Variants in SEC24B observed in about 807,000 individuals in gnomAD.
SEC24B encodes protein transport protein Sec24B.
A neutral mutation model predicts 142.8 loss-of-function variants in SEC24B; 45 were observed. The observed-to-expected ratio is 0.32, with a 90% CI of 0.25 to 0.40. SEC24B has a LOEUF of 0.40. Among genes scored for constraint, SEC24B ranks in the 10% least tolerant of loss-of-function variants. The pLI is 1.00. For missense variants in SEC24B, 1,409 were observed against 1,526.8 expected (o/e 0.92, Z 1.29); for synonymous variants, 574 against 568.2 (o/e 1.01, Z -0.15).
At chr4:109,528,619 T>C (rs915320699) in intron 18 of SEC24B, among the ~76,000 whole-genome samples, 2 of 152,238 alleles carry the variant, frequency 1.3e-5, no homozygotes, top group Admixed American at 1.3e-4. Context: ...AGAGATTACA[T>C]GGCTATGCAT....
At chr4:109,442,451 A>C (rs998791177) in intron 1 of SEC24B, among the ~76,000 whole-genome samples, 1 of 152,180 alleles carries the variant, frequency 6.6e-6, no homozygotes, top group Non-Finnish European at 1.5e-5. Context: ...ATTTCTTTGT[A>C]ATTGAGTGAT....
rs376939827 is a variant in SEC24B at position 109,481,780 on chromosome 4, A to C, written c.1164A>C (p.Ala388=). 1.2e-6 allele frequency: 2 copies of C among 1,612,368 alleles called. No individual in the cohort carries two copies. Among genetic ancestry groups the C allele is most frequent in the African/African-American group, 2.7e-5 (2 of 74,896 alleles). Residue 388 remains alanine (A), a splice_region_variant and synonymous_variant, in exon 4 of 24, where the codon GCA becomes GCC. Coordinates refer to ENST00000265175, the MANE Select transcript of SEC24B (RefSeq NM_006323.5). ...DEEEEEEDEE[A]GVDSSSTTSS... ...AAGAGGAGGAGGAGGATGAGGAAGC[A>C]GGTCTGCTTTAGCTTTACACCAGTT...
intron 16 of SEC24B, 40 bp downstream of exon 16, chr4:109,525,544 G>T: frequency 7.1e-7 from 1 of 1,418,240 alleles, no homozygotes; most frequent in African/African-American, 1.4e-5. Context: ...TTAAATACTT[G>T]TATCAAAGTC....
At chr4:109,472,490 G>A (rs774465824) in intron 2 of SEC24B, among the ~76,000 whole-genome samples, 2 of 152,156 alleles carry the variant, frequency 1.3e-5, no homozygotes, top group Non-Finnish European at 2.9e-5. Context: ...GTTAGAAACA[G>A]CAAATGAGAA....
chr4:109,492,313 G>T (rs1049275802), intron 5 of SEC24B, among the ~76,000 whole-genome samples: 1 of 152,044 alleles, frequency 6.6e-6, no homozygotes, highest in Admixed American at 6.6e-5. Context: ...TAGGAATTTT[G>T]TGTGTGTGTG....
intron 9 of SEC24B, among the ~76,000 whole-genome samples, chr4:109,513,063 C>T (rs1421372929): frequency 1.3e-5 from 2 of 149,700 alleles, no homozygotes; most frequent in Non-Finnish European, 3.0e-5. Context: ...CAACCTCCAC[C>T]TCCCGGGTTC....
chr4:109,481,970 CT>C (rs1733788667), intron 4 of SEC24B, among the ~76,000 whole-genome samples, 189 bp downstream of exon 4: 1 of 152,226 alleles, frequency 6.6e-6, no homozygotes, highest in Non-Finnish European at 1.5e-5. Flanking sequence ...CTTTAGGCAT[CT>C]TTGCCATATT....
intron 22 of SEC24B, among the ~76,000 whole-genome samples, chr4:109,537,066 A>C (rs896366451): frequency 2.6e-5 from 4 of 152,164 alleles, no homozygotes; most frequent in African/African-American, 7.2e-5. Flanking sequence ...GACCTTCCTT[A>C]CTTTCTGCCT....
At chr4:109,533,911 A>G (rs1193779278) in intron 22 of SEC24B, among the ~76,000 whole-genome samples, 3 of 152,036 alleles carry the variant, frequency 2.0e-5, no homozygotes, top group Admixed American at 2.0e-4. Context: ...GCAACTACTA[A>G]TCTACTTTCT....
At chr4:109,511,827 A>G (rs1737369177) in intron 8 of SEC24B, 130 bp from the exon 9 acceptor site, 2 of 858,916 alleles carry the variant, frequency 2.3e-6, no homozygotes, top group Non-Finnish European at 3.5e-6. Flanking sequence ...GGATTTTATT[A>G]ATATGCTTCC....
intron 11 of SEC24B, among the ~76,000 whole-genome samples, chr4:109,517,835 C>T (rs939811210): frequency 6.6e-6 from 1 of 152,090 alleles, no homozygotes; most frequent in African/African-American, 2.4e-5. Flanking sequence ...TTTCCATAAA[C>T]TTGTTTTAAT....
chr4:109,441,099 G>A (rs1177580396), intron 1 of SEC24B, among the ~76,000 whole-genome samples: 1 of 152,206 alleles, frequency 6.6e-6, no homozygotes, highest in Non-Finnish European at 1.5e-5. Context: ...AACAGGAACT[G>A]AGGAAAAGCA....
intron 14 of SEC24B, 81 bp downstream of exon 14, chr4:109,521,707 G>T (rs1177247592): frequency 6.5e-6 from 7 of 1,075,584 alleles, no homozygotes; most frequent in Non-Finnish European, 8.0e-6. Flanking sequence ...TAAAATACTG[G>T]CAAGAGAGTT....
rs139089400 is a variant in SEC24B at position 109,450,346 on chromosome 4, A to C, written c.134-12555A>C. On this transcript the variant is annotated intron_variant, in intron 1 of 23. Coordinates refer to ENST00000265175, the MANE Select transcript of SEC24B (RefSeq NM_006323.5). ...TTGGGAGATACTTTGAAGTTATTCT[A>C]CCATTCTCTTTCTTCTCAAAATTTC... Among the ~76,000 whole-genome samples the C allele has an allele frequency of 5.3e-3, 805 of 152,146 alleles. 35 individuals carry two copies. The South Asian group carries it at 0.079, about 15-fold the overall frequency.
At chr4:109,478,604 G>A (rs2081483928) in intron 3 of SEC24B, among the ~76,000 whole-genome samples, 1 of 152,160 alleles carries the variant, frequency 6.6e-6, no homozygotes, top group African/African-American at 2.4e-5. Context: ...CATACCAGTA[G>A]TTAAGTGATA....
intron 1 of SEC24B, among the ~76,000 whole-genome samples, chr4:109,441,017 C>G (rs1183317485): frequency 1.3e-5 from 2 of 152,158 alleles, no homozygotes; most frequent in Non-Finnish European, 2.9e-5. Context: ...TCTATTTTAG[C>G]TAGTTTGCTT....
At chr4:109,477,274 C>T (rs1733274964) in intron 3 of SEC24B, among the ~76,000 whole-genome samples, 1 of 151,618 alleles carries the variant, frequency 6.6e-6, no homozygotes, top group African/African-American at 2.4e-5. Flanking sequence ...TTTTGAATTT[C>T]CTTCTACCAT....
intron 6 of SEC24B, among the ~76,000 whole-genome samples, chr4:109,498,633 G>A (rs541044248): frequency 6.6e-6 from 1 of 152,208 alleles, no homozygotes; most frequent in South Asian, 2.1e-4. Context: ...CAAAGTGCTG[G>A]GATCACAGGT....
At chr4:109,511,607 C>T (rs1481202792) in intron 8 of SEC24B, among the ~76,000 whole-genome samples, 1 of 152,092 alleles carries the variant, frequency 6.6e-6, no homozygotes, top group Non-Finnish European at 1.5e-5. Flanking sequence ...TGAGCAGTGC[C>T]TAATAGTCTA....
Sources: allele counts gnomAD v4.1 joint callset (sites outside exome capture counted in the v4.1 genomes callset), GRCh38; gene constraint gnomAD v4.1.1; transcripts MANE v1.5; gene names NCBI Gene and HGNC (gene_info 2026-07-23, HGNC 2026-07-21).